The following TRDN variants were observed in gnomAD, a reference collection of about 807,000 sequenced individuals.
TRDN encodes the protein triadin in skeletal muscle.
Under a neutral mutation model 149.7 loss-of-function variants are expected in TRDN, and 161 were observed. The ratio of observed to expected loss-of-function variants is 1.08; its 90% CI spans 0.95 to 1.23. TRDN has a LOEUF of 1.23. Ranked by LOEUF, TRDN falls within the 50% of genes most tolerant of loss-of-function variation. The pLI, the probability that TRDN is intolerant of heterozygous loss-of-function variation, is 0.00. For synonymous variants in TRDN, 294 were observed against 250.5 expected (o/e 1.17, Z -1.64); for missense variants, 896 against 823.5 (o/e 1.09, Z -1.08).
chr6:123,593,289 A>G (rs1008440283), intron 1 of TRDN, among the ~76,000 whole-genome samples: 14 of 152,222 alleles, frequency 9.2e-5, no homozygotes, highest in Admixed American at 4.6e-4. Context: ...GAAATATTCC[A>G]TCATTTCAGA....
intron 33 of TRDN, among the ~76,000 whole-genome samples, chr6:123,262,642 T>C (rs1317272329): frequency 6.6e-6 from 1 of 152,124 alleles, no homozygotes; most frequent in Non-Finnish European, 1.5e-5. Flanking sequence ...TGACAGTTTG[T>C]AGCAACCCTG....
chr6:123,560,712 A>C (rs1043403635), intron 2 of TRDN, among the ~76,000 whole-genome samples: 1 of 152,140 alleles, frequency 6.6e-6, no homozygotes, highest in Non-Finnish European at 1.5e-5. Context: ...TCCCTCACTG[A>C]AACTTCCATC....
chr6:123,411,782 A>G (rs564609775), intron 12 of TRDN: 46 of 152,316 alleles, frequency 3.0e-4, no homozygotes, highest in African/African-American at 1.1e-3. Context: ...TGGAAACTAA[A>G]GAAAAGTGCT....
chr6:123,350,496 T>C lies in TRDN; in HGVS notation c.1369+2043A>G, dbSNP rs963852279. 1.9e-5 allele frequency: 11 copies of C among 578,824 alleles called. No individual in the cohort carries two copies. The African/African-American group carries it at 2.2e-4, about 12-fold the overall frequency. 35.9% of individuals were successfully genotyped at this position (578,824 alleles called of 1,614,324 possible). On this transcript the variant is annotated intron_variant, in intron 21 of 40. Coordinates refer to ENST00000334268, the MANE Select transcript of TRDN (RefSeq NM_006073.4). ...TATAAACTAATAGATTATTTATACTTCTGAAGATAACTAAAAACTATGTAA... is the reference window on the plus strand; with the variant it reads ...TATAAACTAATAGATTATTTATACTCCTGAAGATAACTAAAAACTATGTAA...
At chr6:123,479,447 C>A (rs1777645707) in intron 9 of TRDN, among the ~76,000 whole-genome samples, 2 of 152,102 alleles carry the variant, frequency 1.3e-5, no homozygotes, top group African/African-American at 4.8e-5. Context: ...CTATAATTCC[C>A]CACAAGTGGA....
intron 8 of TRDN, 143 bp downstream of exon 8, chr6:123,503,576 C>T: frequency 6.9e-7 from 1 of 1,453,686 alleles, no homozygotes; most frequent in Admixed American, 2.8e-5. Flanking sequence ...TACTGTATTT[C>T]TTTTCTGATA....
At chr6:123,439,059 C>T in intron 10 of TRDN, 56 bp from the exon 11 acceptor site, 1 of 1,400,502 alleles carries the variant, frequency 7.1e-7, no homozygotes, top group South Asian at 1.3e-5. Context: ...AAAGCAAAAC[C>T]AAGGTTGAAA....
chr6:123,636,196 G>C (rs1786305742), intron 1 of TRDN, among the ~76,000 whole-genome samples: 2 of 151,750 alleles, frequency 1.3e-5, no homozygotes, highest in East Asian at 1.9e-4. Flanking sequence ...AAATTTTATG[G>C]GAACACTTAT....
chr6:123,501,315 G>C (rs1778688996), intron 8 of TRDN, among the ~76,000 whole-genome samples: 1 of 150,914 alleles, frequency 6.6e-6, no homozygotes, highest in South Asian at 2.1e-4. Flanking sequence ...GAAGTATTTA[G>C]AAATCTATAT....
At chr6:123,220,612 A>G (rs1180937666) in intron 40 of TRDN, among the ~76,000 whole-genome samples, 1 of 151,822 alleles carries the variant, frequency 6.6e-6, no homozygotes, top group Non-Finnish European at 1.5e-5. Context: ...CAGCATCCAA[A>G]GAAGTACTTG....
At chr6:123,251,193 A>C (rs1174268303) in intron 38 of TRDN, among the ~76,000 whole-genome samples, 1 of 152,064 alleles carries the variant, frequency 6.6e-6, no homozygotes, top group Non-Finnish European at 1.5e-5. Flanking sequence ...TCCTGAAGCA[A>C]GTCTATGATC....
chr6:123,287,746 T>C (rs894188330), intron 24 of TRDN, among the ~76,000 whole-genome samples: 3 of 152,100 alleles, frequency 2.0e-5, no homozygotes, highest in Non-Finnish European at 4.4e-5. Context: ...CTATAAAATA[T>C]ATGATATGAA....
At chr6:123,329,912 G>A (rs747569547) in intron 23 of TRDN, among the ~76,000 whole-genome samples, 2 of 151,852 alleles carry the variant, frequency 1.3e-5, no homozygotes, top group Non-Finnish European at 2.9e-5. Flanking sequence ...TAAAAATTAG[G>A]AAGAAAATGG....
In TRDN at chr6:123,237,472, A is replaced by T. The variant is rs562717958; in HGVS notation, c.1976-13341T>A. The stretch of plus-strand genomic sequence containing the variant: ...ACCATCTTGGCCGGGCTGGTCTCGA[A>T]CTCCTGACCTCATGAACTGCCCGCC... On this transcript the variant is annotated intron_variant, in intron 38 of 40. Transcript: ENST00000334268. Among the ~76,000 whole-genome samples, 41 of 152,108 alleles carry T rather than the reference A, an allele frequency of 2.7e-4. No individual in the cohort carries two copies. In the South Asian group the frequency reaches 3.7e-3, roughly 14 times the overall value.
intron 21 of TRDN, chr6:123,350,220 T>C: frequency 1.0e-6 from 1 of 967,676 alleles, no homozygotes. Flanking sequence ...TCGAAGTGAT[T>C]TTTAATTCTT....
At chr6:123,289,800 G>A (rs911867166) in intron 24 of TRDN, among the ~76,000 whole-genome samples, 1 of 152,104 alleles carries the variant, frequency 6.6e-6, no homozygotes, top group African/African-American at 2.4e-5. Context: ...AGTGAAGCCA[G>A]TGTCTAGGAT....
intron 12 of TRDN, among the ~76,000 whole-genome samples, chr6:123,404,737 G>C (rs187070551): frequency 6.6e-6 from 1 of 152,176 alleles, no homozygotes. Context: ...GAGCCACTGC[G>C]CCTCCCATGG....
At chr6:123,356,235 G>T (rs1455533239) in intron 20 of TRDN, among the ~76,000 whole-genome samples, 2 of 151,552 alleles carry the variant, frequency 1.3e-5, no homozygotes, top group Non-Finnish European at 3.0e-5. Context: ...CCTCCATTAA[G>T]TATGATGTTT....
At chr6:123,572,712 A>G (rs1239803413) in intron 1 of TRDN, among the ~76,000 whole-genome samples, 1 of 152,156 alleles carries the variant, frequency 6.6e-6, no homozygotes, top group Non-Finnish European at 1.5e-5. Flanking sequence ...CAAAGTTAAA[A>G]AACATTTTTG....
Sources: allele counts gnomAD v4.1 joint callset (sites outside exome capture counted in the v4.1 genomes callset), GRCh38; gene constraint gnomAD v4.1.1; transcripts MANE v1.5; gene names NCBI Gene and HGNC (gene_info 2026-07-23, HGNC 2026-07-21).